Variants in FGFR2 observed in about 807,000 individuals in gnomAD.
The protein encoded by FGFR2 is fibroblast growth factor receptor 2.
A neutral mutation model predicts 95.9 loss-of-function variants in FGFR2; 19 were observed. That is an observed-to-expected ratio of 0.20 (90% CI 0.14 to 0.29). The LOEUF (loss-of-function observed/expected upper bound fraction) is 0.29, where lower values mean the gene tolerates loss of function less well. Among genes scored for constraint, FGFR2 ranks in the 10% least tolerant of loss-of-function variants. The pLI, the probability that FGFR2 is intolerant of heterozygous loss-of-function variation, is 1.00. For synonymous variants in FGFR2, 392 were observed against 393.3 expected (o/e 1.00, Z 0.04); for missense variants, 707 against 1,056.9 (o/e 0.67, Z 4.59).
At chr10:121,522,833 C>CCAGTGT (rs1850747872) in intron 6 of FGFR2, among the ~76,000 whole-genome samples, 1 of 152,186 alleles carries the variant, frequency 6.6e-6, no homozygotes, top group Admixed American at 6.5e-5. Flanking sequence ...TACCACTACC[C>CCAGTGT]TAACCTCCAG....
At chr10:121,538,754 TAGCAC>T in intron 5 of FGFR2, 39 bp from the exon 6 acceptor site, 1 of 1,613,952 alleles carries the variant, frequency 6.2e-7, no homozygotes, top group Non-Finnish European at 8.5e-7. Context: ...TTAACAATCC[TAGCAC>T]AGAATACCAA....
chr10:121,519,553 C>A (rs1048179079), intron 7 of FGFR2, among the ~76,000 whole-genome samples: 3 of 152,050 alleles, frequency 2.0e-5, no homozygotes, highest in Non-Finnish European at 2.9e-5. Flanking sequence ...TAATAGAAAA[C>A]AACATCAGAG....
At chr10:121,583,367 C>T (rs1157733224) in intron 2 of FGFR2, 1 of 152,248 alleles carries the variant, frequency 6.6e-6, no homozygotes, top group Non-Finnish European at 1.5e-5. Flanking sequence ...CCAGCAGAGG[C>T]ATCTGGGACA....
chr10:121,564,474 G>T, intron 4 of FGFR2, 28 bp downstream of exon 4: 1 of 1,599,980 alleles, frequency 6.3e-7, no homozygotes, highest in South Asian at 1.1e-5. Flanking sequence ...CCTCTCTCGG[G>T]GACCATCGGA....
intron 4 of FGFR2, among the ~76,000 whole-genome samples, chr10:121,556,143 T>C (rs908712387): frequency 2.0e-5 from 3 of 152,084 alleles, no homozygotes; most frequent in African/African-American, 4.8e-5. Flanking sequence ...GACGGATGGA[T>C]GGACGGATGG....
At position 121,591,216 on chromosome 10, in the gene FGFR2, G is replaced by A. The variant is rs560487605; in HGVS notation, c.109+2493C>T. 8.5e-5 allele frequency among the ~76,000 whole-genome samples: 13 copies of A among 152,298 alleles called. No individual in the cohort carries two copies. The South Asian group carries it at 1.2e-3, about 15-fold the overall frequency. On this transcript the variant is annotated intron_variant, in intron 2 of 17. Coordinates refer to ENST00000358487, the MANE Select transcript of FGFR2 (RefSeq NM_000141.5). ...ATTAGACTAACAGATGAGGGGAAGT[G>A]GGGACCCTACAGAAAGCAAACACAG...
chr10:121,588,531 G>C (rs1862167020), intron 2 of FGFR2, among the ~76,000 whole-genome samples: 1 of 152,078 alleles, frequency 6.6e-6, no homozygotes, highest in Non-Finnish European at 1.5e-5. Flanking sequence ...TTCAATGCTA[G>C]GAAAGCTAAA....
chr10:121,499,563 C>T (rs1478798140), intron 11 of FGFR2, among the ~76,000 whole-genome samples: 1 of 152,250 alleles, frequency 6.6e-6, no homozygotes, highest in East Asian at 1.9e-4. Flanking sequence ...TGTGTCCTTA[C>T]AGGGAAGGCT....
rs962379478 is a variant in FGFR2, at chr10:121,485,839, C to A, written c.2058-307G>T. ...GGATCTCAGTTTCTCAGTTTCAAAG[C>A]CTTTACGCTCCTTTCCAACTCCTTA... On this transcript the variant is annotated intron_variant, in intron 15 of 17. Coordinates refer to ENST00000358487, the MANE Select transcript of FGFR2 (RefSeq NM_000141.5). The surrounding 1 kb of genome is among the most constrained non-coding windows in gnomAD (Gnocchi z 4.2). Among the ~76,000 whole-genome samples, 1 of 152,204 alleles carries A rather than the reference C, an allele frequency of 6.6e-6. No individual in the cohort carries two copies. Among genetic ancestry groups the A allele is most frequent in the Non-Finnish European group, 1.5e-5 (1 of 68,042 alleles).
intron 3 of FGFR2, 49 bp downstream of exon 3, chr10:121,565,389 T>C (rs1857525766): frequency 1.9e-6 from 3 of 1,610,918 alleles, no homozygotes; most frequent in Non-Finnish European, 2.5e-6. Context: ...GCCAAAAAAA[T>C]GTAATGGCTA....
intron 13 of FGFR2, among the ~76,000 whole-genome samples, chr10:121,490,526 C>T (rs1256220961): frequency 6.6e-6 from 1 of 152,170 alleles, no homozygotes; most frequent in East Asian, 1.9e-4. Context: ...GTTACACTTT[C>T]ATATAGCAAG....
chr10:121,595,059 A>G (rs1388237965), intron 1 of FGFR2, among the ~76,000 whole-genome samples: 1 of 152,254 alleles, frequency 6.6e-6, no homozygotes, highest in Non-Finnish European at 1.5e-5. Context: ...ACTTTAGAGA[A>G]TGATTAAAAC....
At chr10:121,574,531 A>AAATAAT (rs560459844) in intron 2 of FGFR2, among the ~76,000 whole-genome samples, 6 of 151,578 alleles carry the variant, frequency 4.0e-5, no homozygotes, top group African/African-American at 1.2e-4. Flanking sequence ...TCCATCTCAA[A>AAATAAT]AATAATAATA....
chr10:121,488,632 C>T (rs1317945077), intron 13 of FGFR2, among the ~76,000 whole-genome samples: 1 of 151,872 alleles, frequency 6.6e-6, no homozygotes, highest in South Asian at 2.1e-4. Context: ...ATCGGAGAGC[C>T]TGGATCACGA....
At chr10:121,504,076 T>G in intron 9 of FGFR2, 135 bp from the exon 10 acceptor site, 1 of 990,858 alleles carries the variant, frequency 1.0e-6, no homozygotes, top group East Asian at 2.6e-5. Flanking sequence ...GAAACCAAAT[T>G]AGAAAACCAC....
intron 9 of FGFR2, among the ~76,000 whole-genome samples, chr10:121,506,838 T>A (rs1848358274): frequency 6.6e-6 from 1 of 152,170 alleles, no homozygotes; most frequent in Non-Finnish European, 1.5e-5. Flanking sequence ...TCTAGACCAT[T>A]TGGATTTTAT....
intron 2 of FGFR2, among the ~76,000 whole-genome samples, chr10:121,572,360 C>T (rs1352773314): frequency 1.3e-5 from 2 of 152,008 alleles, no homozygotes; most frequent in Non-Finnish European, 2.9e-5. Flanking sequence ...GTGGCTCATG[C>T]CTGTAATTTC....
intron 4 of FGFR2, among the ~76,000 whole-genome samples, chr10:121,562,284 GTT>G (rs374500237): frequency 1.4e-5 from 2 of 142,286 alleles, no homozygotes; most frequent in African/African-American, 2.6e-5. Context: ...AACAGAGTTT[GTT>G]TTTTTTTTTT....
intron 5 of FGFR2, among the ~76,000 whole-genome samples, chr10:121,539,936 A>G (rs1434936653): frequency 2.0e-5 from 3 of 152,366 alleles, no homozygotes. Flanking sequence ...TTAGCCTGCC[A>G]ACAGAGTTAA....
Sources: allele counts gnomAD v4.1 joint callset (sites outside exome capture counted in the v4.1 genomes callset), GRCh38; gene constraint gnomAD v4.1.1; non-coding constraint Gnocchi (gnomAD v3.1); transcripts MANE v1.5; gene names NCBI Gene and HGNC (gene_info 2026-07-23, HGNC 2026-07-21).